Variants in PGRMC2 observed in about 807,000 individuals in gnomAD.
The protein encoded by PGRMC2 is membrane-associated progesterone receptor component 2.
PGRMC2 carries 9 observed loss-of-function variants against 19.3 expected under a neutral mutation model. The observed-to-expected ratio is 0.47, with a 90% CI of 0.28 to 0.81. The LOEUF is 0.81. Among genes scored for constraint, PGRMC2 ranks in the 40% least tolerant of loss-of-function variants. The probability of loss-of-function intolerance (pLI) is 0.11; values close to 1 mark genes in which losing one functional copy is unlikely to be tolerated. For synonymous variants in PGRMC2, 157 were observed against 124.6 expected, an observed-to-expected ratio of 1.26 and a Z score of -1.73; for missense variants, 289 against 297.3, an observed-to-expected ratio of 0.97 and a Z score of 0.21.
In PGRMC2 at chr4:128,270,204, CCCTT is replaced by C. The variant is rs987622785; in HGVS notation, c.*1108_*1111del. Reference sequence around the variant, plus strand: ...TATTTACAGTATCTGCAGAAAGAGTCCCTTCCAAGGCCTCACACATTCAGACACA... The same window carrying C: ...TATTTACAGTATCTGCAGAAAGAGTCCCAAGGCCTCACACATTCAGACACA... On this transcript the variant is annotated 3_prime_UTR_variant, in exon 3 of 3. Transcript: ENST00000296425. 8 of 152,600 alleles carry C rather than the reference CCCTT, an allele frequency of 5.2e-5. No homozygotes were observed. Among genetic ancestry groups the C allele is most frequent in the African/African-American group, 1.9e-4 (8 of 41,424 alleles). 9.5% of individuals were successfully genotyped at this position (152,600 alleles called of 1,614,324 possible).
intron 1 of PGRMC2, among the ~76,000 whole-genome samples, chr4:128,281,602 G>A (rs1157895858): frequency 6.6e-6 from 1 of 152,000 alleles, no homozygotes; most frequent in East Asian, 1.9e-4. Flanking sequence ...AAATATACCC[G>A]TAATCACAAA....
intron 1 of PGRMC2, chr4:128,272,815 T>C (rs1040413606): frequency 1.4e-5 from 3 of 219,072 alleles, no homozygotes; most frequent in African/African-American, 6.8e-5. Flanking sequence ...TGTGAGGTAA[T>C]GAGGGAGAAG....
rs1294100033 is a variant in PGRMC2 at position 128,269,810 on chromosome 4, G to A, written c.*1506C>T. ...AAATAATAATTTAGTATCTATCAGT[G>A]CAATATTCTTTTACTGTTTTGTGTT... On this transcript the variant is annotated 3_prime_UTR_variant, in exon 3 of 3. Transcript: ENST00000296425. The A allele has an allele frequency of 6.6e-6, 1 of 152,156 alleles. No individual in the cohort carries two copies. Among genetic ancestry groups the A allele is most frequent in the Non-Finnish European group, 1.5e-5 (1 of 68,010 alleles). 9.4% of individuals were successfully genotyped at this position (152,156 alleles called of 1,614,324 possible).
chr4:128,287,225 G>A (rs1266840009), intron 1 of PGRMC2, 148 bp downstream of exon 1: 2 of 804,098 alleles, frequency 2.5e-6, no homozygotes, highest in African/African-American at 3.6e-5. Flanking sequence ...GGGGCGGGAT[G>A]GGCCGTCCCA....
rs1384335055 is a variant in PGRMC2, at chr4:128,269,318, A to T, written c.*1998T>A. ...ACTCATTTTTCTTAACAGACCGCAT[A>T]ATTTTTTCTGCATGAATATTTAGGG... On this transcript the variant is annotated 3_prime_UTR_variant, in exon 3 of 3. Coordinates refer to ENST00000296425, the MANE Select transcript of PGRMC2 (RefSeq NM_006320.6). 2 of 152,126 alleles carry T rather than the reference A, an allele frequency of 1.3e-5. No homozygotes were observed. Among genetic ancestry groups the T allele is most frequent in the Non-Finnish European group, 2.9e-5 (2 of 68,012 alleles). The allele number at this position is 152,126 out of a possible 1,614,324, so 9.4% of individuals were successfully genotyped here.
At chr4:128,274,788 T>C (rs1760783998) in intron 1 of PGRMC2, among the ~76,000 whole-genome samples, 1 of 151,604 alleles carries the variant, frequency 6.6e-6, no homozygotes, top group South Asian at 2.1e-4. Flanking sequence ...AAAGGAAAAA[T>C]AAAACTAATA....
chr4:128,272,567 T>C (rs1422524919), intron 1 of PGRMC2, 50 bp from the exon 2 acceptor site: 1 of 960,554 alleles, frequency 1.0e-6, no homozygotes, highest in East Asian at 3.2e-5. Context: ...TATTTTAGAA[T>C]GTCTCAAAGG....
chr4:128,278,758 GAA>G lies in PGRMC2; in HGVS notation c.419-6243_419-6242del, dbSNP rs372947018. On this transcript the variant is annotated intron_variant, in intron 1 of 2. Transcript: ENST00000296425. Reference sequence around the variant, plus strand: ...AATACATAACTTAGCAGCTATAAAAGAAAAGATAAATTTGAATACATAAAACC... The same window carrying G: ...AATACATAACTTAGCAGCTATAAAAGAAGATAAATTTGAATACATAAAACC... Among the ~76,000 whole-genome samples the G allele has an allele frequency of 4.1e-3, 620 of 152,126 alleles. 4 individuals are homozygous for G. The highest frequency in any genetic ancestry group is 0.014 in the African/African-American group (592 of 41,500).
At chr4:128,282,227 A>C (rs1760918691) in intron 1 of PGRMC2, among the ~76,000 whole-genome samples, 1 of 152,232 alleles carries the variant, frequency 6.6e-6, no homozygotes, top group Non-Finnish European at 1.5e-5. Context: ...CAGTATTTAA[A>C]AATGGAGCTG....
At chr4:128,281,716 C>T (rs184707045) in intron 1 of PGRMC2, among the ~76,000 whole-genome samples, 1 of 152,062 alleles carries the variant, frequency 6.6e-6, no homozygotes, top group South Asian at 2.1e-4. Context: ...CACAGATTGA[C>T]TAAAAGGGAT....
At chr4:128,285,549 A>G (rs993235589) in intron 1 of PGRMC2, among the ~76,000 whole-genome samples, 1 of 152,226 alleles carries the variant, frequency 6.6e-6, no homozygotes, top group Admixed American at 6.5e-5. Flanking sequence ...GAGGACTAAT[A>G]CGATTCTTTG....
rs1030592466 is a variant in PGRMC2, at chr4:128,287,563, C to T, written c.228G>A (p.Gly76=). The T allele has an allele frequency of 2.6e-6, 4 of 1,536,222 alleles. No individual in the cohort carries two copies. Among genetic ancestry groups the T allele is most frequent in the African/African-American group, 1.4e-5 (1 of 71,932 alleles). ...CGGCCCCGGCCCCCAGACCCCGCCG[C>T]CCCCAGCGCACCCACAGCCGGTAGG... ...LGAYRLWVRW[G]RRGLGAGAGA... is the part of the protein sequence containing the mutation. Residue 76 remains glycine (G), a synonymous_variant, in exon 1 of 3, where the codon GGG becomes GGA. Coordinates refer to ENST00000296425, the MANE Select transcript of PGRMC2 (RefSeq NM_006320.6).
rs1297855962 is a variant in PGRMC2, at chr4:128,269,600, T to C, written c.*1716A>G. 1 of 152,214 alleles carries C rather than the reference T, an allele frequency of 6.6e-6. No homozygotes were observed. The highest frequency in any genetic ancestry group is 1.5e-5 in the Non-Finnish European group (1 of 68,034). The allele number at this position is 152,214 out of a possible 1,614,324, so 9.4% of individuals were successfully genotyped here. On this transcript the variant is annotated 3_prime_UTR_variant, in exon 3 of 3. Coordinates refer to ENST00000296425, the MANE Select transcript of PGRMC2 (RefSeq NM_006320.6). ...ACATACTTTAGCTTATTGTTGCAGT[T>C]AAAAGCTCCCCCTTGTTTGATGGCT...
chr4:128,281,716 C>G (rs184707045), intron 1 of PGRMC2, among the ~76,000 whole-genome samples: 157 of 152,180 alleles, frequency 1.0e-3, no homozygotes, highest in African/African-American at 3.6e-3. Flanking sequence ...CACAGATTGA[C>G]TAAAAGGGAT....
rs559690238 is a variant in PGRMC2, at chr4:128,287,150, G to A, written c.418+223C>T. The A allele has an allele frequency of 2.2e-4, 108 of 490,220 alleles. 2 individuals carry two copies. In the South Asian group the frequency reaches 3.5e-3, roughly 16 times the overall value. The allele number at this position is 490,220 out of a possible 1,614,324, so 30.4% of individuals were successfully genotyped here. A position where few individuals can be genotyped will look rare whatever the true frequency, so the allele number is the denominator to read the frequency against. The stretch of plus-strand genomic sequence containing the variant: ...GAGAGCTGGTCTCTGGGGCGCCACC[G>A]GGGACCCTGGTTTCGGGGGAAGAAC... On this transcript the variant is annotated intron_variant, in intron 1 of 2. Transcript: ENST00000296425.
chr4:128,276,853 T>G (rs757064449), intron 1 of PGRMC2, among the ~76,000 whole-genome samples: 1 of 152,110 alleles, frequency 6.6e-6, no homozygotes, highest in Non-Finnish European at 1.5e-5. Context: ...TATACTTACA[T>G]AACAAATATT....
chr4:128,287,506 C>A lies in PGRMC2; in HGVS notation c.285G>T (p.Leu95=). The part of the protein sequence containing the change: ...GAGEESPATS[L]PRMKKRDFSL... Reference sequence around the variant, plus strand: ...TGAAGTCCCGCTTCTTCATGCGAGGCAGAGAGGTGGCGGGGCTCTCCTCGC... The same window carrying A: ...TGAAGTCCCGCTTCTTCATGCGAGGAAGAGAGGTGGCGGGGCTCTCCTCGC... Residue 95 remains leucine, a synonymous_variant, in exon 1 of 3, where the codon CTG becomes CTT. Coordinates refer to ENST00000296425, the MANE Select transcript of PGRMC2 (RefSeq NM_006320.6). The A allele has an allele frequency of 1.2e-6, 2 of 1,611,546 alleles. No homozygotes were observed. Among genetic ancestry groups the A allele is most frequent in the South Asian group, 1.1e-5 (1 of 90,578 alleles).
In PGRMC2 at chr4:128,274,537, A is replaced by AAAAAG. The variant is rs137964198; in HGVS notation, c.419-2021_419-2020insCTTTT. ...AAAGAAAAAAAAAAAAAAAAAAAAA[A>AAAAAG]GGTATTAACCAGTTATGTCTGTGTG... On this transcript the variant is annotated intron_variant, in intron 1 of 2. Transcript: ENST00000296425. 1.9e-4 allele frequency among the ~76,000 whole-genome samples: 24 copies of AAAAAG among 128,226 alleles called. 1 individual carries two copies. The highest frequency in any genetic ancestry group is 1.8e-4 in the Admixed American group (2 of 11,370). The allele number at this position is 128,226 out of a possible 152,430, so 84.1% of individuals were successfully genotyped here.
At chr4:128,275,780 C>T (rs1465981184) in intron 1 of PGRMC2, among the ~76,000 whole-genome samples, 1 of 152,158 alleles carries the variant, frequency 6.6e-6, no homozygotes, top group Non-Finnish European at 1.5e-5. Flanking sequence ...GGCTGGAGTA[C>T]AGCGGCTCAA....
Sources: allele counts gnomAD v4.1 joint callset (sites outside exome capture counted in the v4.1 genomes callset), GRCh38; gene constraint gnomAD v4.1.1; transcripts MANE v1.5; gene names NCBI Gene and HGNC (gene_info 2026-07-23, HGNC 2026-07-21).